NELFB: variants seen among roughly 807,000 people sequenced by gnomAD.
NELFB encodes the protein negative elongation factor B.
A neutral mutation model predicts 60.2 loss-of-function variants in NELFB; 34 were observed. That is an observed-to-expected ratio of 0.56 (90% CI 0.43 to 0.75). The LOEUF (loss-of-function observed/expected upper bound fraction) is 0.75, where lower values mean the gene tolerates loss of function less well. Among genes scored for constraint, NELFB ranks in the 30% least tolerant of loss-of-function variants. The probability of loss-of-function intolerance (pLI) is 0.00; values close to 1 mark genes in which losing one functional copy is unlikely to be tolerated. For missense variants in NELFB, 770 were observed against 831.6 expected (o/e 0.93, Z 0.91); for synonymous variants, 459 against 382.1 (o/e 1.20, Z -2.35).
chr9:137,268,937 G>A lies in NELFB; in HGVS notation c.1489+1591G>A, dbSNP rs138987799. On this transcript the variant is annotated intron_variant, in intron 10 of 12. Coordinates refer to ENST00000343053, the MANE Select transcript of NELFB (RefSeq NM_015456.5). ...GCTAGAGATGAGACACAGACAGACG[G>A]AGACAGAGAAGGGGCCACACTTACC... Among the ~76,000 whole-genome samples the A allele has an allele frequency of 4.0e-3, 609 of 152,268 alleles. 2 individuals are homozygous for A. The highest frequency in any genetic ancestry group is 0.017 in the East Asian group (86 of 5,184).
In NELFB at chr9:137,255,359, G is replaced by A. The variant is rs1012910636; in HGVS notation, c.-7G>A. ...GGACGCGCGCGGAGTCGCGCGGCGGGCGGGACCTGGCCGAGCTGGAGGGCG... is the reference window on the plus strand; with the variant it reads ...GGACGCGCGCGGAGTCGCGCGGCGGACGGGACCTGGCCGAGCTGGAGGGCG... On this transcript the variant is annotated 5_prime_UTR_variant, in exon 1 of 13. Coordinates refer to ENST00000343053, the MANE Select transcript of NELFB (RefSeq NM_015456.5). 58 of 455,430 alleles carry A rather than the reference G, an allele frequency of 1.3e-4. No homozygotes were observed. In the East Asian group the frequency reaches 1.8e-3, roughly 14 times the overall value. 28.2% of individuals were successfully genotyped at this position (455,430 alleles called of 1,614,324 possible).
Position 137,272,762 on chromosome 9 carries a change from C to A in NELFB, c.1741-20C>A. On this transcript the variant is annotated intron_variant, in intron 12 of 12. Coordinates refer to ENST00000343053, the MANE Select transcript of NELFB (RefSeq NM_015456.5). ...GCCTGCCCATGCGCCTCGCCTGCCC[C>A]ATGGTGTGGTTCCCCGCAGAGCGGA... 4 of 1,533,782 alleles carry A rather than the reference C, an allele frequency of 2.6e-6. No individual in the cohort carries two copies. Among genetic ancestry groups the A allele is most frequent in the Non-Finnish European group, 2.6e-6 (3 of 1,135,798 alleles).
intron 4 of NELFB, among the ~76,000 whole-genome samples, chr9:137,259,401 C>T (rs1830395883): frequency 6.6e-6 from 1 of 152,172 alleles, no homozygotes; most frequent in Non-Finnish European, 1.5e-5. Context: ...GCAGTGCCAC[C>T]TCTGTCCTCC....
rs1830514273 is a variant in NELFB, at chr9:137,266,050, G to T, written c.1143+71G>T. Reference sequence around the variant, plus strand: ...CCGCTGGCTGCTCTGGGTGGTCAGGGTGTGGACAGCAGCGGCCAGGTGGAG... The same window carrying T: ...CCGCTGGCTGCTCTGGGTGGTCAGGTTGTGGACAGCAGCGGCCAGGTGGAG... On this transcript the variant is annotated intron_variant, in intron 7 of 12. Coordinates refer to ENST00000343053, the MANE Select transcript of NELFB (RefSeq NM_015456.5). 3.2e-6 allele frequency: 4 copies of T among 1,249,126 alleles called. No individual in the cohort carries two copies. The South Asian group carries it at 3.7e-5, about 11-fold the overall frequency. The allele number at this position is 1,249,126 out of a possible 1,614,324, so 77.4% of individuals were successfully genotyped here.
intron 10 of NELFB, among the ~76,000 whole-genome samples, chr9:137,271,758 C>A (rs1198601652): frequency 3.3e-5 from 5 of 151,972 alleles, no homozygotes; most frequent in African/African-American, 1.2e-4. Flanking sequence ...CTGTCTCCTT[C>A]TTCCTCCACC....
intron 4 of NELFB, among the ~76,000 whole-genome samples, chr9:137,261,468 G>A (rs1830446299): frequency 1.3e-5 from 2 of 151,898 alleles, no homozygotes; most frequent in African/African-American, 4.8e-5. Flanking sequence ...GACCAGCCCG[G>A]GCAACATGGT....
Position 137,271,256 on chromosome 9 carries a change from C to G in NELFB, c.1490-825C>G, listed in dbSNP as rs1441375389. ...CCTGTGAGATGTGGCAGGCAGGCAC[C>G]TCGGGGGCCTGGGTCTCCTGGAAAT... On this transcript the variant is annotated intron_variant, in intron 10 of 12. Transcript: ENST00000343053. Among the ~76,000 whole-genome samples the G allele has an allele frequency of 2.6e-5, 4 of 152,286 alleles. No homozygotes were observed. In the East Asian group the frequency reaches 7.7e-4, roughly 29 times the overall value.
chr9:137,264,605 A>T (rs1180110293), intron 6 of NELFB, among the ~76,000 whole-genome samples: 1 of 152,244 alleles, frequency 6.6e-6, no homozygotes, highest in Non-Finnish European at 1.5e-5. Context: ...AGCTGGGATT[A>T]CAGGCACGCG....
chr9:137,263,168 G>A lies in NELFB; in HGVS notation c.873G>A (p.Met291Ile), dbSNP rs1830474952. Residue 291 changes from methionine (M) to isoleucine (I), a missense_variant, in exon 5 of 13, where the codon ATG (methionine) becomes ATA (isoleucine). Transcript: ENST00000343053. ...GCACGCTGCGGGCTGAGCTGCTCAT[G>A]TCCCTGCACGACCTGGACGTGGGTG... 6.2e-7 allele frequency: 1 copy of A among 1,613,912 alleles called. No individual in the cohort carries two copies. Among genetic ancestry groups the A allele is most frequent in the African/African-American group, 1.3e-5 (1 of 75,032 alleles).
rs200497746 is a variant in NELFB at position 137,266,940 on chromosome 9, G to A, written c.1240-4G>A. The A allele has an allele frequency of 8.1e-6, 13 of 1,612,900 alleles. No homozygotes were observed. The highest frequency in any genetic ancestry group is 6.6e-5 in the South Asian group (6 of 91,050). ...CGCCCGCTCATGGCCTCCCCTCCTC[G>A]TAGGAGGTAGAGCTCATCACCAGGT... On this transcript the variant is annotated splice_region_variant and splice_polypyrimidine_tract_variant and intron_variant, in intron 8 of 12. Coordinates refer to ENST00000343053, the MANE Select transcript of NELFB (RefSeq NM_015456.5).
Position 137,256,876 on chromosome 9 carries a change from C to G in NELFB, c.563C>G (p.Ala188Gly). Residue 188 changes from alanine to glycine, a missense_variant, in exon 4 of 13, where the codon GCC (alanine) becomes GGC (glycine). Coordinates refer to ENST00000343053, the MANE Select transcript of NELFB (RefSeq NM_015456.5). Reference sequence around the variant, plus strand: ...ATGGCTGACAAGGAGCTGTATCGAGCCTGCGCCGTGGAGGTGAAGCGGCAG... The same window carrying G: ...ATGGCTGACAAGGAGCTGTATCGAGGCTGCGCCGTGGAGGTGAAGCGGCAG... 6.2e-7 allele frequency: 1 copy of G among 1,614,212 alleles called. No homozygotes were observed. Among genetic ancestry groups the G allele is most frequent in the Non-Finnish European group, 8.5e-7 (1 of 1,180,044 alleles).
At position 137,269,612 on chromosome 9, in the gene NELFB, C is replaced by T. The variant is rs902510053; in HGVS notation, c.1489+2266C>T. 2.6e-5 allele frequency among the ~76,000 whole-genome samples: 4 copies of T among 152,232 alleles called. No homozygotes were observed. Among genetic ancestry groups the T allele is most frequent in the Non-Finnish European group, 4.4e-5 (3 of 68,046 alleles). On this transcript the variant is annotated intron_variant, in intron 10 of 12. Transcript: ENST00000343053. This position sits in a 1 kb window ranked among gnomAD's most constrained non-coding sequence, Gnocchi z 5.3. The stretch of plus-strand genomic sequence containing the variant: ...TAGATACACAGTTGCCATTGTGTCC[C>T]AGCAGCCTTCAGTACTCAGTACAGC...
chr9:137,262,807 G>T (rs1830465791), intron 4 of NELFB, among the ~76,000 whole-genome samples: 1 of 152,116 alleles, frequency 6.6e-6, no homozygotes, highest in South Asian at 2.1e-4. Flanking sequence ...TCGAGCCTGG[G>T]CAACAGAGCA....
At position 137,271,672 on chromosome 9, in the gene NELFB, G is replaced by T. The variant is rs115578760; in HGVS notation, c.1490-409G>T. On this transcript the variant is annotated intron_variant, in intron 10 of 12. Coordinates refer to ENST00000343053, the MANE Select transcript of NELFB (RefSeq NM_015456.5). ...ACTCTCTGCAGCTGGCGCCGGCCCT[G>T]TATTTGTTAGGCTTGTTTCTCCTGG... Among the ~76,000 whole-genome samples, 782 of 152,358 alleles carry T rather than the reference G, an allele frequency of 5.1e-3. 5 individuals carry two copies. The highest frequency in any genetic ancestry group is 0.018 in the African/African-American group (744 of 41,584).
At chr9:137,258,461 T>C (rs1837592341) in intron 4 of NELFB, among the ~76,000 whole-genome samples, 1 of 151,024 alleles carries the variant, frequency 6.6e-6, no homozygotes, top group South Asian at 2.1e-4. Flanking sequence ...TTTTTTTTTT[T>C]TTTTTGAGAC....
chr9:137,267,026 T>A lies in NELFB; in HGVS notation c.1322T>A (p.Leu441His). The A allele has an allele frequency of 6.2e-7, 1 of 1,614,078 alleles. No homozygotes were observed. The highest frequency in any genetic ancestry group is 8.5e-7 in the Non-Finnish European group (1 of 1,180,008). Residue 441 changes from leucine to histidine, a missense_variant, in exon 9 of 13, where the codon CTT becomes CAT. Physicochemically the swap from Leu to His is moderately conservative, Grantham distance 99 (BLOSUM62 -3). Transcript: ENST00000343053. ...TACACTTTCAATGTGGATCAGAAAC[T>A]TCCGGCTGAGGAGAAAGCCCCAGTC...
chr9:137,264,354 T>C lies in NELFB; in HGVS notation c.1037T>C (p.Leu346Pro). ...GTCAAGAAGGGCCAGGAGCAGGTGC[T>C]GGGGTGAGGGTCGGCTCCACGAGGC... Residue 346 changes from leucine to proline, a missense_variant, in exon 6 of 13, where the codon CTG becomes CCG. By Grantham distance (98) the Leu-to-Pro change is moderately conservative (BLOSUM62 -3). Coordinates refer to ENST00000343053, the MANE Select transcript of NELFB (RefSeq NM_015456.5). 1 of 1,584,358 alleles carries C rather than the reference T, an allele frequency of 6.3e-7. No homozygotes were observed. Among genetic ancestry groups the C allele is most frequent in the Non-Finnish European group, 8.6e-7 (1 of 1,166,940 alleles).
At chr9:137,261,228 T>C (rs1830438939) in intron 4 of NELFB, among the ~76,000 whole-genome samples, 1 of 150,824 alleles carries the variant, frequency 6.6e-6, no homozygotes, top group Non-Finnish European at 1.5e-5. Context: ...TAGTCCCAGC[T>C]GCTCGGGAGG....
At chr9:137,256,271 C>G in intron 2 of NELFB, 58 bp from the exon 3 acceptor site, 1 of 1,520,260 alleles carries the variant, frequency 6.6e-7, no homozygotes, top group Middle Eastern at 1.7e-4. Context: ...TAGGGACAGG[C>G]AGGTAGCTGC....
Sources: gnomAD v4.1 joint callset for allele counts (sites outside exome capture counted in the v4.1 genomes callset) on GRCh38, gnomAD v4.1.1 for gene constraint, Gnocchi (gnomAD v3.1) non-coding constraint, MANE v1.5 for transcripts, NCBI Gene and HGNC (gene_info 2026-07-23, HGNC 2026-07-21) for gene names.